The following CLUAP1 variants were observed in gnomAD, a reference collection of about 807,000 sequenced individuals.
The protein encoded by CLUAP1 is intraflagellar transport 38, also known as clusterin-associated protein 1.
Under a neutral mutation model 55.0 loss-of-function variants are expected in CLUAP1, and 50 were observed. The ratio of observed to expected loss-of-function variants is 0.91; its 90% CI spans 0.72 to 1.15. The LOEUF (loss-of-function observed/expected upper bound fraction) is 1.15, where lower values mean the gene tolerates loss of function less well. CLUAP1 is among the 50% of genes most tolerant of loss of function. CLUAP1 has a pLI of 0.00. For synonymous variants in CLUAP1, 195 were observed against 175.4 expected, an observed-to-expected ratio of 1.11 and a Z score of -0.88; for missense variants, 530 against 507.6, an observed-to-expected ratio of 1.04 and a Z score of -0.42.
intron 9 of CLUAP1, among the ~76,000 whole-genome samples, chr16:3,529,730 T>TA (rs2038060001): frequency 1.4e-4 from 5 of 36,640 alleles, no homozygotes; most frequent in Admixed American, 5.4e-4. Flanking sequence ...ATATATTATA[T>TA]ATATTATTAT....
At chr16:3,517,463 C>G (rs2037750749) in intron 6 of CLUAP1, among the ~76,000 whole-genome samples, 2 of 151,894 alleles carry the variant, frequency 1.3e-5, no homozygotes, top group South Asian at 4.1e-4. Flanking sequence ...TGCGCCACCA[C>G]GCCCAGCTAA....
chr16:3,524,173 A>G (rs2037893664), intron 8 of CLUAP1, among the ~76,000 whole-genome samples: 1 of 151,940 alleles, frequency 6.6e-6, no homozygotes, highest in Non-Finnish European at 1.5e-5. Context: ...ATGGTGTTAC[A>G]CACCTGTTGT....
rs185679210 is a variant in CLUAP1 at position 3,507,144 on chromosome 16, C to T, written c.219+729C>T. On this transcript the variant is annotated intron_variant, in intron 3 of 11. Coordinates refer to ENST00000576634, the MANE Select transcript of CLUAP1 (RefSeq NM_015041.3). The stretch of plus-strand genomic sequence containing the variant: ...CTGGGAGGCAGAGCTTGCAGTGAGC[C>T]GAGATCACGCCACTGCACTCCAGCC... Among the ~76,000 whole-genome samples, 648 of 150,482 alleles carry T rather than the reference C, an allele frequency of 4.3e-3. 3 individuals carry two copies. The highest frequency in any genetic ancestry group is 0.011 in the African/African-American group (451 of 40,834).
At chr16:3,495,476 G>C in the CLUAP1 span, 1 of 1,587,898 alleles carries the variant, frequency 6.3e-7, no homozygotes, top group Non-Finnish European at 8.6e-7. Flanking sequence ...GCAGGGCCCT[G>C]CTCTCCCCTG....
At chr16:3,522,289 G>C (rs886326872) in intron 7 of CLUAP1, among the ~76,000 whole-genome samples, 1 of 151,664 alleles carries the variant, frequency 6.6e-6, no homozygotes, top group South Asian at 2.1e-4. Context: ...TCAGCCACCC[G>C]AGTAGCTGGG....
intron 8 of CLUAP1, among the ~76,000 whole-genome samples, chr16:3,524,613 A>G (rs1192635483): frequency 1.3e-5 from 2 of 151,796 alleles, no homozygotes; most frequent in Admixed American, 6.6e-5. Context: ...AAAAAAAAAA[A>G]AAAAAAAAGA....
intron 5 of CLUAP1, among the ~76,000 whole-genome samples, chr16:3,513,665 G>T (rs1028129472): frequency 3.9e-5 from 6 of 152,070 alleles, no homozygotes; most frequent in Admixed American, 3.9e-4. Flanking sequence ...GGCCAGGTTG[G>T]TCTCAAACTC....
rs80039374 is a variant in CLUAP1, at chr16:3,511,596, T to A, written c.400-787T>A. ...ATGTGTGTCCCTCAGGCTGTCCCTT[T>A]GTGTGGCCGCTCTGCTGCCGTCAGG... On this transcript the variant is annotated intron_variant, in intron 4 of 11. Coordinates refer to ENST00000576634, the MANE Select transcript of CLUAP1 (RefSeq NM_015041.3). 8.9e-3 allele frequency among the ~76,000 whole-genome samples: 1,357 copies of A among 152,260 alleles called. 22 individuals are homozygous for A. The highest frequency in any genetic ancestry group is 0.031 in the African/African-American group (1,299 of 41,542).
intron 1 of CLUAP1, among the ~76,000 whole-genome samples, chr16:3,502,308 G>C (rs575231364): frequency 1.3e-4 from 20 of 152,182 alleles, no homozygotes; most frequent in African/African-American, 4.6e-4. Flanking sequence ...GCCGGGCATG[G>C]TGGCGCGCGT....
At chr16:3,507,983 A>G (rs1261201095) in intron 3 of CLUAP1, among the ~76,000 whole-genome samples, 1 of 152,148 alleles carries the variant, frequency 6.6e-6, no homozygotes. Context: ...TGCTGTAACA[A>G]ATAACCTGTA....
intron 1 of CLUAP1, among the ~76,000 whole-genome samples, chr16:3,502,758 C>G (rs974585427): frequency 6.6e-6 from 1 of 151,984 alleles, no homozygotes; most frequent in Non-Finnish European, 1.5e-5. Context: ...AGCACCCTGC[C>G]GGGGGACGTA....
At chr16:3,514,440 T>A (rs1596390433) in intron 5 of CLUAP1, among the ~76,000 whole-genome samples, 2 of 152,202 alleles carry the variant, frequency 1.3e-5, no homozygotes, top group Admixed American at 1.3e-4. Context: ...GGCACTGAGC[T>A]CTGCCTCCTT....
Position 3,536,974 on chromosome 16 carries a change from A to T in CLUAP1, c.*703A>T, listed in dbSNP as rs1464696997. 6.6e-6 allele frequency: 1 copy of T among 152,236 alleles called. No homozygotes were observed. Among genetic ancestry groups the T allele is most frequent in the African/African-American group, 2.4e-5 (1 of 41,462 alleles). 9.4% of individuals were successfully genotyped at this position (152,236 alleles called of 1,614,324 possible). A position where few individuals can be genotyped will look rare whatever the true frequency, so the allele number is the denominator to read the frequency against. On this transcript the variant is annotated 3_prime_UTR_variant, in exon 12 of 12. Coordinates refer to ENST00000576634, the MANE Select transcript of CLUAP1 (RefSeq NM_015041.3). ...GGCAGTCCAGTTCACCTTGGATTAC[A>T]GCCACCTTCATGTTTCCACGGTTGG...
intron 5 of CLUAP1, among the ~76,000 whole-genome samples, chr16:3,514,629 G>T (rs2037696267): frequency 6.6e-6 from 1 of 152,192 alleles, no homozygotes; most frequent in Non-Finnish European, 1.5e-5. Context: ...TCACAGTTCT[G>T]GAGATTGGGA....
At chr16:3,508,660 A>C (rs578062837) in intron 4 of CLUAP1, among the ~76,000 whole-genome samples, 192 bp downstream of exon 4, 11 of 152,370 alleles carry the variant, frequency 7.2e-5, no homozygotes, top group South Asian at 2.1e-4. Flanking sequence ...TTAAAAGCTT[A>C]GTATTTGTCA....
rs940234385 is a variant in CLUAP1 at position 3,538,440 on chromosome 16, T to C, written c.*2169T>C. On this transcript the variant is annotated 3_prime_UTR_variant, in exon 12 of 12. Transcript: ENST00000576634. The stretch of plus-strand genomic sequence containing the variant: ...GCCATGCCAGCCACCTCAGACACCG[T>C]GGCTCTAAGATGCGGAAGAGTCACT... 6.6e-6 allele frequency: 1 copy of C among 152,182 alleles called. No individual in the cohort carries two copies. Among genetic ancestry groups the C allele is most frequent in the Admixed American group, 6.5e-5 (1 of 15,270 alleles). 9.4% of individuals were successfully genotyped at this position (152,182 alleles called of 1,614,324 possible). A position where few individuals can be genotyped will look rare whatever the true frequency, so the allele number is the denominator to read the frequency against.
intron 8 of CLUAP1, among the ~76,000 whole-genome samples, chr16:3,525,603 C>T (rs78569635): frequency 0.068 from 10,305 of 152,052 alleles, 806 homozygotes; most frequent in African/African-American, 0.19. Context: ...TGTTGCCTGC[C>T]ACTCTGTCTG....
At chr16:3,511,187 G>T (rs1432201975) in intron 4 of CLUAP1, among the ~76,000 whole-genome samples, 2 of 152,200 alleles carry the variant, frequency 1.3e-5, no homozygotes, top group Non-Finnish European at 2.9e-5. Flanking sequence ...GCCATCAGCT[G>T]CAAATGAAGA....
intron 6 of CLUAP1, among the ~76,000 whole-genome samples, chr16:3,517,251 A>G (rs1313110190): frequency 1.8e-4 from 28 of 151,402 alleles, no homozygotes; most frequent in Admixed American, 1.7e-3. Flanking sequence ...AGCTGGGATT[A>G]CTGGCGCACA....
Sources: gnomAD v4.1 joint callset for allele counts (sites outside exome capture counted in the v4.1 genomes callset) on GRCh38, gnomAD v4.1.1 for gene constraint, MANE v1.5 for transcripts, NCBI Gene and HGNC (gene_info 2026-07-23, HGNC 2026-07-21) for gene names.